Variants in GPR141 observed in about 807,000 individuals in gnomAD.
GPR141 encodes probable G protein-coupled receptor 141.
Under a neutral mutation model 6.8 loss-of-function variants are expected in GPR141, and 6 were observed. The observed-to-expected ratio is 0.88, with a 90% CI of 0.48 to 1.74. The LOEUF (loss-of-function observed/expected upper bound fraction) is 1.74. Ranked by LOEUF, GPR141 falls within the 40% of genes most tolerant of loss-of-function variation. GPR141 has a pLI of 0.01. For synonymous variants in GPR141, 140 were observed against 142.3 expected (o/e 0.98, Z 0.11); for missense variants, 372 against 372.9 (o/e 1.00, Z 0.02).
intron 2 of GPR141, among the ~76,000 whole-genome samples, chr7:37,715,440 T>A (rs1008204749): frequency 1.3e-5 from 2 of 152,132 alleles, no homozygotes; most frequent in Admixed American, 6.5e-5. Context: ...TAAATAGTGT[T>A]TTTTTTCCTC....
At chr7:37,693,972 C>T (rs1809901884) in intron 2 of GPR141, among the ~76,000 whole-genome samples, 1 of 152,134 alleles carries the variant, frequency 6.6e-6, no homozygotes, top group South Asian at 2.1e-4. Context: ...CATGACTAGT[C>T]TGGATGACCC....
intron 2 of GPR141, among the ~76,000 whole-genome samples, chr7:37,716,229 G>A (rs1313355072): frequency 6.6e-6 from 1 of 152,164 alleles, no homozygotes; most frequent in Non-Finnish European, 1.5e-5. Flanking sequence ...ATTAGACATA[G>A]TTCCTGTCCA....
intron 2 of GPR141, among the ~76,000 whole-genome samples, chr7:37,739,978 G>GA (rs954180811): frequency 7.3e-5 from 11 of 151,244 alleles, no homozygotes; most frequent in Non-Finnish European, 1.5e-4. Flanking sequence ...ATGCCCGTAA[G>GA]AAAAAAAAAT....
chr7:37,740,408 T>C lies in GPR141; in HGVS notation c.15T>C (p.Asn5=), dbSNP rs779634696. 5 of 1,598,574 alleles carry C rather than the reference T, an allele frequency of 3.1e-6. No individual in the cohort carries two copies. The African/African-American group carries it at 4.0e-5, about 13-fold the overall frequency. The change falls in exon 3 of 3, where the codon AAT becomes AAC. Residue 5 remains asparagine (N), a synonymous_variant. Coordinates refer to ENST00000334425, the MANE Select transcript of GPR141 (RefSeq NM_001381946.1). ...ACTTCCCAAGTATGCCTGGCCACAA[T>C]ACCTCCAGGAATTCCTCTTGCGATC... is the stretch of plus-strand genomic sequence containing the variant. MPGH[N]TSRNSSCDPI...
intron 2 of GPR141, among the ~76,000 whole-genome samples, chr7:37,702,824 A>AATAC (rs2131762157): frequency 7.0e-6 from 1 of 142,860 alleles, no homozygotes; most frequent in East Asian, 2.0e-4. Context: ...AAAATAAATA[A>AATAC]AATAAAAATT....
At chr7:37,703,642 C>T (rs1232686022) in intron 2 of GPR141, among the ~76,000 whole-genome samples, 2 of 152,118 alleles carry the variant, frequency 1.3e-5, no homozygotes, top group Admixed American at 6.5e-5. Context: ...AAGAAAGTTT[C>T]TTAAGCTTTC....
intron 2 of GPR141, among the ~76,000 whole-genome samples, chr7:37,690,547 C>T (rs1809710657): frequency 6.6e-6 from 1 of 152,218 alleles, no homozygotes; most frequent in Non-Finnish European, 1.5e-5. Flanking sequence ...CCTGCAGAGC[C>T]ATGAGCCAAA....
chr7:37,704,249 G>A (rs1184878941), intron 2 of GPR141, among the ~76,000 whole-genome samples: 1 of 151,320 alleles, frequency 6.6e-6, no homozygotes, highest in Admixed American at 6.6e-5. Context: ...TTTTCCAAGT[G>A]TTTTCCTTTT....
In GPR141 at chr7:37,740,961, A is replaced by T. The variant is rs1812522855; in HGVS notation, c.568A>T (p.Ile190Leu). 1 of 1,614,022 alleles carries T rather than the reference A, an allele frequency of 6.2e-7. No homozygotes were observed. The highest frequency in any genetic ancestry group is 8.5e-7 in the Non-Finnish European group (1 of 1,179,918). Residue 190 changes from isoleucine to leucine, a missense_variant, in exon 3 of 3, where the codon ATA becomes TTA. Ile to Leu is a conservative substitution (Grantham distance 5). Coordinates refer to ENST00000334425, the MANE Select transcript of GPR141 (RefSeq NM_001381946.1). Reference sequence around the variant, plus strand: ...CAACTATATGATAGTCATTTTTGTCATAGCCGTTGCTGTGATTCTGTTGGT... The same window carrying T: ...CAACTATATGATAGTCATTTTTGTCTTAGCCGTTGCTGTGATTCTGTTGGT... ...IINYMIVIFV[I>L]AVAVILLVFQ...
At chr7:37,717,357 C>A (rs1433153361) in intron 2 of GPR141, among the ~76,000 whole-genome samples, 1 of 152,194 alleles carries the variant, frequency 6.6e-6, no homozygotes, top group Non-Finnish European at 1.5e-5. Context: ...TTATTGAAAT[C>A]TCCCTTTCCC....
intron 2 of GPR141, among the ~76,000 whole-genome samples, chr7:37,691,264 TAACCTAGTTACCCAGTCTATATCC>T (rs1327973773): frequency 2.2e-5 from 3 of 135,168 alleles, no homozygotes; most frequent in Non-Finnish European, 1.6e-5. Flanking sequence ...TTTTTTTTTT[TAACCTAGTTACCCAGTCTATATCC>T]TTTTTTTTTT....
intron 2 of GPR141, among the ~76,000 whole-genome samples, chr7:37,732,672 A>T (rs1249159027): frequency 6.6e-6 from 1 of 152,182 alleles, no homozygotes; most frequent in African/African-American, 2.4e-5. Flanking sequence ...ACACTATAGG[A>T]ACAATAAATA....
At chr7:37,687,207 T>C (rs567524381) in intron 2 of GPR141, among the ~76,000 whole-genome samples, 1 of 152,172 alleles carries the variant, frequency 6.6e-6, no homozygotes, top group South Asian at 2.1e-4. Context: ...AATCAAATTG[T>C]AGCTCTGTTC....
intron 2 of GPR141, 93 bp from the exon 3 acceptor site, chr7:37,740,286 CA>C: frequency 1.3e-6 from 1 of 773,530 alleles, no homozygotes; most frequent in Non-Finnish European, 2.2e-6. Flanking sequence ...CATATAAGCA[CA>C]TAAATGGCAA....
chr7:37,742,453 T>A lies in GPR141; in HGVS notation c.*1142T>A, dbSNP rs1245437361. On this transcript the variant is annotated 3_prime_UTR_variant, in exon 3 of 3. Transcript: ENST00000334425. ...ATGTTCCCCTCCCTGTGTCCATGTG[T>A]TTTCATTGTTCAACTCCCACTTCTA... 1.3e-5 allele frequency among the ~76,000 whole-genome samples: 2 copies of A among 151,500 alleles called. No homozygotes were observed. The highest frequency in any genetic ancestry group is 2.9e-5 in the Non-Finnish European group (2 of 67,916).
At chr7:37,700,889 A>G (rs762564900) in intron 2 of GPR141, among the ~76,000 whole-genome samples, 1 of 152,190 alleles carries the variant, frequency 6.6e-6, no homozygotes, top group Non-Finnish European at 1.5e-5. Context: ...TCTCTTTTAG[A>G]AGAGTCCAAC....
chr7:37,714,699 A>G (rs945281112), intron 2 of GPR141, among the ~76,000 whole-genome samples: 1 of 152,200 alleles, frequency 6.6e-6, no homozygotes, highest in Admixed American at 6.5e-5. Flanking sequence ...TCCAATGAAT[A>G]TGTTTTACTG....
At chr7:37,691,287 C>CTTTTT (rs1562764851) in intron 2 of GPR141, among the ~76,000 whole-genome samples, 28 of 93,668 alleles carry the variant, frequency 3.0e-4, no homozygotes, top group Non-Finnish European at 3.6e-4. Context: ...CAGTCTATAT[C>CTTTTT]CTTTTTTTTT....
rs1812627424 is a variant in GPR141 at position 37,742,710 on chromosome 7, A to C, written c.*1399A>C. Among the ~76,000 whole-genome samples, 2 of 152,162 alleles carry C rather than the reference A, an allele frequency of 1.3e-5. No individual in the cohort carries two copies. Among genetic ancestry groups the C allele is most frequent in the South Asian group, 2.1e-4 (1 of 4,836 alleles). ...AAATAAATGTCCCCCAAAGCAATAA[A>C]ATCATAATCCTTTAAAATATAGGAA... On this transcript the variant is annotated 3_prime_UTR_variant, in exon 3 of 3. Coordinates refer to ENST00000334425, the MANE Select transcript of GPR141 (RefSeq NM_001381946.1).
Sources: gnomAD v4.1 joint callset for allele counts (sites outside exome capture counted in the v4.1 genomes callset) on GRCh38, gnomAD v4.1.1 for gene constraint, MANE v1.5 for transcripts, NCBI Gene and HGNC (gene_info 2026-07-23, HGNC 2026-07-21) for gene names.